FRY: variants seen among roughly 807,000 people sequenced by gnomAD.
The protein encoded by FRY is protein furry homolog.
Under a neutral mutation model 348.4 loss-of-function variants are expected in FRY, and 128 were observed. That is an observed-to-expected ratio of 0.37 (90% CI 0.32 to 0.43). The LOEUF (loss-of-function observed/expected upper bound fraction) is 0.43, where lower values mean the gene tolerates loss of function less well. Among genes scored for constraint, FRY ranks in the 20% least tolerant of loss-of-function variants. The probability of loss-of-function intolerance (pLI) is 1.00; values close to 1 mark genes in which losing one functional copy is unlikely to be tolerated. For synonymous variants in FRY, 1,370 were observed against 1,374.7 expected (o/e 1.00, Z 0.08); for missense variants, 2,736 against 3,695.2 (o/e 0.74, Z 6.73).
At chr13:32,252,254 A>G (rs955579618) in intron 50 of FRY, among the ~76,000 whole-genome samples, 1 of 152,158 alleles carries the variant, frequency 6.6e-6, no homozygotes, top group African/African-American at 2.4e-5. Flanking sequence ...CTTACAACGT[A>G]AATGATAATC....
At chr13:32,116,245 G>A (rs904236445) in intron 3 of FRY, among the ~76,000 whole-genome samples, 11 of 151,946 alleles carry the variant, frequency 7.2e-5, no homozygotes, top group South Asian at 6.2e-4. Flanking sequence ...TTCTATCAGC[G>A]GTATATGAAT....
chr13:32,151,703 C>T (rs1412154054), intron 14 of FRY, among the ~76,000 whole-genome samples: 4 of 152,204 alleles, frequency 2.6e-5, no homozygotes, highest in East Asian at 3.8e-4. Context: ...TCCTCATCGT[C>T]GTGAAGACTT....
chr13:32,103,120 C>T (rs1184541102), intron 3 of FRY, among the ~76,000 whole-genome samples: 1 of 152,200 alleles, frequency 6.6e-6, no homozygotes, highest in Non-Finnish European at 1.5e-5. Context: ...GGTTTATGCT[C>T]ACAGCCAGCC....
chr13:32,289,469 T>C (rs1344109019), intron 58 of FRY, among the ~76,000 whole-genome samples, 164 bp from the exon 59 acceptor site: 1 of 152,234 alleles, frequency 6.6e-6, no homozygotes, highest in African/African-American at 2.4e-5. Flanking sequence ...TTCTCACTGG[T>C]ATTTATTTAA....
At chr13:32,283,519 C>T (rs1385702010) in intron 58 of FRY, among the ~76,000 whole-genome samples, 1 of 152,154 alleles carries the variant, frequency 6.6e-6, no homozygotes, top group Non-Finnish European at 1.5e-5. Context: ...ATGCAAGAAG[C>T]GTCTCTGCAT....
At chr13:32,076,964 G>C (rs758882726) in intron 1 of FRY, among the ~76,000 whole-genome samples, 45 of 152,218 alleles carry the variant, frequency 3.0e-4, no homozygotes, top group Non-Finnish European at 5.9e-4. Flanking sequence ...TGGGTTAAAT[G>C]TTCAACTCTT....
At chr13:32,120,180 T>C (rs996371192) in intron 4 of FRY, among the ~76,000 whole-genome samples, 4 of 152,196 alleles carry the variant, frequency 2.6e-5, no homozygotes, top group African/African-American at 9.6e-5. Flanking sequence ...CTAAATACTT[T>C]ACATGTTTTA....
intron 2 of FRY, among the ~76,000 whole-genome samples, chr13:32,087,286 T>C (rs1272099775): frequency 1.3e-5 from 2 of 152,234 alleles, no homozygotes; most frequent in African/African-American, 4.8e-5. Context: ...AATGACAGCA[T>C]TACTGCTTGC....
chr13:32,157,374 A>G lies in FRY; in HGVS notation c.1753A>G (p.Met585Val). 5.0e-6 allele frequency: 8 copies of G among 1,613,588 alleles called. No homozygotes were observed. The highest frequency in any genetic ancestry group is 6.8e-6 in the Non-Finnish European group (8 of 1,179,594). The change falls in exon 16 of 61, where the codon ATG becomes GTG. Residue 585 changes from methionine (M) to valine (V), a missense_variant. By Grantham distance (21) the Met-to-Val change is conservative. Transcript: ENST00000542859. ...GRCMMLTNVQ[M>V]LNKEPEDMIT... is the part of the protein sequence containing the mutation. Reference sequence around the variant, plus strand: ...GTGTATGATGCTGACTAATGTACAGATGTTAAACAAAGAACCGGAAGACAT... The same window carrying G: ...GTGTATGATGCTGACTAATGTACAGGTGTTAAACAAAGAACCGGAAGACAT...
At position 32,202,475 on chromosome 13, in the gene FRY, G is replaced by T. The variant is rs1368735073; in HGVS notation, c.3966G>T (p.Leu1322Phe). ...TCTACAGCGTGTCACTTGCCCTCTT[G>T]TCATGTGAGCTGGCCAGGATGTACC... ...PPLYSVSLAL[L>F]SCELARMYPE... The change falls in exon 31 of 61, where the codon TTG becomes TTT. Residue 1322 changes from leucine to phenylalanine, a missense_variant. By Grantham distance (22) the Leu-to-Phe change is conservative. Coordinates refer to ENST00000542859, the MANE Select transcript of FRY (RefSeq NM_023037.3). 6.2e-7 allele frequency: 1 copy of T among 1,613,912 alleles called. No homozygotes were observed. The highest frequency in any genetic ancestry group is 1.7e-5 in the Admixed American group (1 of 60,000).
chr13:32,173,383 C>T lies in FRY; in HGVS notation c.2168C>T (p.Ser723Phe). The T allele has an allele frequency of 1.2e-6, 2 of 1,611,808 alleles. No individual in the cohort carries two copies. The highest frequency in any genetic ancestry group is 8.5e-7 in the Non-Finnish European group (1 of 1,179,504). ...GCATAACAGCTCATCGCAAATGGCT[C>T]CAGTCACAGAATTCAGTCGGAACGA... ...IRNSELIANG[S>F]SHRIQSERGP... Residue 723 changes from serine (S) to phenylalanine (F), a missense_variant, in exon 19 of 61, where the codon TCC becomes TTC. Coordinates refer to ENST00000542859, the MANE Select transcript of FRY (RefSeq NM_023037.3).
Position 32,178,580 on chromosome 13 carries a change from A to G in FRY, c.2681+144A>G. On this transcript the variant is annotated intron_variant, in intron 21 of 60. Coordinates refer to ENST00000542859, the MANE Select transcript of FRY (RefSeq NM_023037.3). ...ATTCTTAACATTGAGTAAAAACATT[A>G]AAAAAATTTTGTCTAAAGCTAGTGG... is the stretch of plus-strand genomic sequence containing the variant. 3 of 1,004,126 alleles carry G rather than the reference A, an allele frequency of 3.0e-6. No individual in the cohort carries two copies. The Admixed American group carries it at 7.2e-5, about 24-fold the overall frequency. The allele number at this position is 1,004,126 out of a possible 1,614,324, so 62.2% of individuals were successfully genotyped here.
At chr13:32,218,505 C>T (rs1039766672) in intron 35 of FRY, among the ~76,000 whole-genome samples, 1 of 151,972 alleles carries the variant, frequency 6.6e-6, no homozygotes, top group Non-Finnish European at 1.5e-5. Context: ...ATGGTGAAAC[C>T]CTGTCTCTAC....
chr13:32,275,093 T>C (rs1888455609), intron 56 of FRY, 102 bp downstream of exon 56: 2 of 1,107,848 alleles, frequency 1.8e-6, no homozygotes, highest in African/African-American at 3.1e-5. Flanking sequence ...TAAAGATACC[T>C]TCTGGCCGGG....
chr13:32,096,199 T>C (rs965027798), intron 2 of FRY, among the ~76,000 whole-genome samples: 2 of 152,206 alleles, frequency 1.3e-5, no homozygotes, highest in Non-Finnish European at 2.9e-5. Flanking sequence ...AAAATCTATG[T>C]TGATGCAAAG....
At chr13:32,202,594 A>G (rs935130164) in intron 31 of FRY, 67 bp downstream of exon 31, 1 of 1,261,982 alleles carries the variant, frequency 7.9e-7, no homozygotes, top group South Asian at 1.2e-5. Context: ...GATCATTTCT[A>G]ATAATGACAT....
chr13:32,146,603 G>A (rs1880477004), intron 11 of FRY, among the ~76,000 whole-genome samples: 2 of 152,136 alleles, frequency 1.3e-5, no homozygotes, highest in African/African-American at 4.8e-5. Context: ...CAAAGTGCTG[G>A]GATTACAGGC....
rs1295270434 is a variant in FRY, at chr13:32,131,753, C to T, written c.798C>T (p.Ser266=). Reference sequence around the variant, plus strand: ...AGCAGAACCCATATGTGGTTCAAAGCATTATCAGCTTAATAATGGGCATGA... The same window carrying T: ...AGCAGAACCCATATGTGGTTCAAAGTATTATCAGCTTAATAATGGGCATGA... The part of the protein sequence containing the change: ...HKEQNPYVVQ[S]IISLIMGMKF... Residue 266 remains serine, a synonymous_variant, in exon 8 of 61, where the codon AGC becomes AGT. Coordinates refer to ENST00000542859, the MANE Select transcript of FRY (RefSeq NM_023037.3). 3 of 1,613,024 alleles carry T rather than the reference C, an allele frequency of 1.9e-6. No homozygotes were observed. Among genetic ancestry groups the T allele is most frequent in the Non-Finnish European group, 1.7e-6 (2 of 1,179,120 alleles).
At chr13:32,090,244 A>G (rs534049846) in intron 2 of FRY, among the ~76,000 whole-genome samples, 1 of 145,630 alleles carries the variant, frequency 6.9e-6, no homozygotes, top group East Asian at 2.2e-4. Flanking sequence ...GCTACTCGGG[A>G]GGCTGAGGCG....
Sources: gnomAD v4.1 joint callset for allele counts (sites outside exome capture counted in the v4.1 genomes callset) on GRCh38, gnomAD v4.1.1 for gene constraint, MANE v1.5 for transcripts, NCBI Gene and HGNC (gene_info 2026-07-23, HGNC 2026-07-21) for gene names.